Variants in PKD1L1 observed in about 807,000 individuals in gnomAD.
The protein encoded by PKD1L1 is polycystin 1 like 1, transient receptor potential channel interacting.
A neutral mutation model predicts 323.4 loss-of-function variants in PKD1L1; 236 were observed. That is an observed-to-expected ratio of 0.73 (90% CI 0.66 to 0.81). PKD1L1 has a LOEUF of 0.81. Among genes scored for constraint, PKD1L1 ranks in the 40% least tolerant of loss-of-function variants. PKD1L1 has a pLI of 0.00. For synonymous variants in PKD1L1, 1,344 were observed against 1,335.0 expected (o/e 1.01, Z -0.15); for missense variants, 3,320 against 3,508.0 (o/e 0.95, Z 1.35).
intron 13 of PKD1L1, among the ~76,000 whole-genome samples, chr7:47,902,118 G>A (rs146306403): frequency 1.0e-3 from 155 of 152,184 alleles, no homozygotes; most frequent in African/African-American, 3.6e-3. Context: ...TAATGCAGGC[G>A]AATAAAGAAC....
intron 51 of PKD1L1, chr7:47,809,250 C>A (rs1224498685): frequency 2.3e-6 from 1 of 429,510 alleles, no homozygotes; most frequent in Non-Finnish European, 4.1e-6. Flanking sequence ...TCTTATGGGA[C>A]CACCACCTTG....
chr7:47,947,703 T>C lies in PKD1L1; in HGVS notation c.44+694A>G, dbSNP rs188888743. 1.2e-3 allele frequency among the ~76,000 whole-genome samples: 185 copies of C among 152,298 alleles called. 1 individual carries two copies. Among genetic ancestry groups the C allele is most frequent in the Middle Eastern group, 3.4e-3 (1 of 294 alleles). On this transcript the variant is annotated intron_variant, in intron 1 of 56. Transcript: ENST00000289672. ...CCCATGGAGGCTGGGTGCGGTGGCT[T>C]ATGCCTGTAATCCCAGTACTTTGGG...
chr7:47,959,861 G>A, the PKD1L1 span, among the ~76,000 whole-genome samples: 5 of 151,424 alleles, frequency 3.3e-5, no homozygotes, highest in Admixed American at 3.3e-4. Flanking sequence ...CACCCCGTCT[G>A]GGAGGTGTAC....
At chr7:47,922,220 G>T (rs1453080538) in intron 7 of PKD1L1, among the ~76,000 whole-genome samples, 3 of 152,182 alleles carry the variant, frequency 2.0e-5, no homozygotes, top group African/African-American at 7.2e-5. Flanking sequence ...AGTGCTCAAT[G>T]TTGCCCAGGC....
At chr7:47,908,534 T>C (rs1021762448) in intron 8 of PKD1L1, among the ~76,000 whole-genome samples, 2 of 152,216 alleles carry the variant, frequency 1.3e-5, no homozygotes, top group African/African-American at 4.8e-5. Context: ...CATTTTCCAC[T>C]GGGCCTTGTG....
At chr7:47,950,969 T>G (rs149273598), upstream of PKD1L1, among the ~76,000 whole-genome samples, 563 of 152,324 alleles carry the variant, frequency 3.7e-3, 5 homozygotes, top group Middle Eastern at 0.034. Flanking sequence ...TGCCGAGCAC[T>G]GCACTGGTAC....
At chr7:47,960,398 T>A in the PKD1L1 span, among the ~76,000 whole-genome samples, 208 of 107,482 alleles carry the variant, frequency 1.9e-3, 3 homozygotes, top group Middle Eastern at 5.1e-3. Context: ...AAAAAAACTG[T>A]AAAAAAGAAA....
chr7:47,947,275 C>A (rs79883664), intron 1 of PKD1L1, among the ~76,000 whole-genome samples: 296 of 152,322 alleles, frequency 1.9e-3, no homozygotes, highest in African/African-American at 6.8e-3. Flanking sequence ...CTAACAAAGG[C>A]AGAAATGCTG....
rs139115507 is a variant in PKD1L1 at position 47,803,278 on chromosome 7, T to G, written c.7894A>C (p.Ile2632Leu). 44 of 1,614,128 alleles carry G rather than the reference T, an allele frequency of 2.7e-5. No homozygotes were observed. The East Asian group carries it at 8.9e-4, about 33-fold the overall frequency. The change falls in exon 53 of 57, where the codon ATT becomes CTT. Residue 2632 changes from isoleucine (I) to leucine (L), a missense_variant. Physicochemically the swap from Ile to Leu is conservative, Grantham distance 5. Transcript: ENST00000289672. ...GAGCAGGATGCCATTGTGTTTTGAA[T>G]GCCAGGAAGATAGACGCATTTTAAT... ...FTLKCVYLPG[I>L]QNTMASCSSM...
intron 4 of PKD1L1, among the ~76,000 whole-genome samples, chr7:47,934,909 A>T (rs543209852): frequency 6.6e-6 from 1 of 152,210 alleles, no homozygotes; most frequent in South Asian, 2.1e-4. Flanking sequence ...TTGCTCACCC[A>T]AGCACTTCGG....
chr7:47,829,096 A>C (rs1334262367), intron 44 of PKD1L1, among the ~76,000 whole-genome samples: 1 of 152,160 alleles, frequency 6.6e-6, no homozygotes, highest in Non-Finnish European at 1.5e-5. Context: ...GGAGGAGTAC[A>C]TTTTCTGTGG....
At position 47,857,841 on chromosome 7, in the gene PKD1L1, T is replaced by C. The variant is rs751687820; in HGVS notation, c.4363-9A>G. ...TTCAAAGAGAGACAACCCTGAAACA[T>C]AGAGCATAGGGAGTGGGATGTTTAT... On this transcript the variant is annotated splice_polypyrimidine_tract_variant and intron_variant, in intron 27 of 56. Coordinates refer to ENST00000289672, the MANE Select transcript of PKD1L1 (RefSeq NM_138295.5). 115 of 1,612,338 alleles carry C rather than the reference T, an allele frequency of 7.1e-5. No individual in the cohort carries two copies. The highest frequency in any genetic ancestry group is 8.9e-5 in the Non-Finnish European group (105 of 1,178,598).
At chr7:47,922,494 T>TG (rs1395728656) in intron 7 of PKD1L1, among the ~76,000 whole-genome samples, 1 of 149,092 alleles carries the variant, frequency 6.7e-6, no homozygotes. Context: ...GCCCATCGTC[T>TG]GGGATGTGGG....
chr7:47,868,613 T>C (rs1010069778), intron 24 of PKD1L1, among the ~76,000 whole-genome samples: 1 of 152,194 alleles, frequency 6.6e-6, no homozygotes, highest in African/African-American at 2.4e-5. Context: ...TGGTGGCTCA[T>C]GCCTGTAATC....
the PKD1L1 span, among the ~76,000 whole-genome samples, chr7:47,957,988 T>C: frequency 2.0e-5 from 3 of 151,768 alleles, no homozygotes; most frequent in Non-Finnish European, 4.4e-5. Context: ...TGTTCATGGA[T>C]TGAAAGAATT....
At chr7:47,828,954 T>G (rs1295380711) in intron 44 of PKD1L1, among the ~76,000 whole-genome samples, 2 of 152,112 alleles carry the variant, frequency 1.3e-5, no homozygotes, top group African/African-American at 4.8e-5. Flanking sequence ...CCAGCAGACC[T>G]CTCTCTTCCT....
At chr7:47,807,162 T>G (rs1784796664) in intron 52 of PKD1L1, among the ~76,000 whole-genome samples, 1 of 152,078 alleles carries the variant, frequency 6.6e-6, no homozygotes, top group Admixed American at 6.5e-5. Flanking sequence ...ATCAGATTCA[T>G]GTATTCTTTC....
At chr7:47,851,402 AT>A (rs547144892) in intron 31 of PKD1L1, among the ~76,000 whole-genome samples, 140 of 150,996 alleles carry the variant, frequency 9.3e-4, no homozygotes, top group East Asian at 3.3e-3. Flanking sequence ...AACACATTGA[AT>A]TTTTTTTTTA....
In PKD1L1 at chr7:47,938,845, G is replaced by C. The variant is rs974138797; in HGVS notation, c.285+1348C>G. On this transcript the variant is annotated intron_variant, in intron 3 of 56. Coordinates refer to ENST00000289672, the MANE Select transcript of PKD1L1 (RefSeq NM_138295.5). Reference sequence around the variant, plus strand: ...CACCATCACCCTGAGCCACGCCACAGCATGTCTGTTAGAATCTTCAGAGGC... The same window carrying C: ...CACCATCACCCTGAGCCACGCCACACCATGTCTGTTAGAATCTTCAGAGGC... Among the ~76,000 whole-genome samples the C allele has an allele frequency of 3.9e-5, 6 of 152,244 alleles. No homozygotes were observed. The East Asian group carries it at 1.2e-3, about 29-fold the overall frequency.
Sources: allele counts gnomAD v4.1 joint callset (sites outside exome capture counted in the v4.1 genomes callset), GRCh38; gene constraint gnomAD v4.1.1; transcripts MANE v1.5; gene names NCBI Gene and HGNC (gene_info 2026-07-23, HGNC 2026-07-21).